Variants in KCNK7 observed in about 807,000 individuals in gnomAD.
The protein encoded by KCNK7 is potassium channel subfamily K member 7.
A neutral mutation model predicts 18.1 loss-of-function variants in KCNK7; 14 were observed. The ratio of observed to expected loss-of-function variants is 0.77; its 90% CI spans 0.51 to 1.21. The LOEUF (loss-of-function observed/expected upper bound fraction) is 1.21. Ranked by LOEUF, KCNK7 falls within the 50% of genes most tolerant of loss-of-function variation. KCNK7 has a pLI of 0.00. For missense variants in KCNK7, 385 were observed against 387.3 expected (o/e 0.99, Z 0.05); for synonymous variants, 188 against 184.7 (o/e 1.02, Z -0.15).
intron 1 of KCNK7, among the ~76,000 whole-genome samples, chr11:65,594,418 C>T (rs1173646014): frequency 2.0e-5 from 3 of 152,182 alleles, no homozygotes; most frequent in South Asian, 4.1e-4. Flanking sequence ...ACATGCCTAC[C>T]GGAGCCAGAT....
intron 1 of KCNK7, among the ~76,000 whole-genome samples, chr11:65,594,824 C>T (rs1009233697): frequency 6.6e-6 from 1 of 151,606 alleles, no homozygotes; most frequent in African/African-American, 2.4e-5. Context: ...GAGCCAAGAT[C>T]GCACCACCGC....
rs1268948508 is a variant in KCNK7 at position 65,593,444 on chromosome 11, T to TC, written c.718+31dup. 1.9e-6 allele frequency: 3 copies of TC among 1,613,282 alleles called. No individual in the cohort carries two copies. The African/African-American group carries it at 4.0e-5, about 22-fold the overall frequency. Reference sequence around the variant, plus strand: ...CCTAGTCCAGGCTCCTCTTCCCCCTTCCCCCACACGCTGTTAGGTGGCTGG... The same window carrying TC: ...CCTAGTCCAGGCTCCTCTTCCCCCTTCCCCCCACACGCTGTTAGGTGGCTGG... On this transcript the variant is annotated intron_variant, in intron 2 of 2. Transcript: ENST00000340313.
Position 65,595,552 on chromosome 11 carries a change from T to G in KCNK7, c.221A>C (p.Gln74Pro), listed in dbSNP as rs1215795878. 1 of 1,584,816 alleles carries G rather than the reference T, an allele frequency of 6.3e-7. No individual in the cohort carries two copies. The highest frequency in any genetic ancestry group is 2.3e-5 in the East Asian group (1 of 44,142). ...GCCCAGGGTGGAGACCCCATGGGCC[T>G]GGGTGGCCAGGGCAGTGCCCAGCAG... Reference protein sequence around the residue: ...EELLGTALATQAHGVSTLGNS... With the variant: ...EELLGTALATPAHGVSTLGNS... Residue 74 changes from glutamine (Q) to proline (P), a missense_variant, in exon 1 of 3, where the codon CAG becomes CCG. Physicochemically the swap from Gln to Pro is moderately conservative, Grantham distance 76. Transcript: ENST00000340313.
In KCNK7 at chr11:65,593,036, G is replaced by C. The variant is rs765842680; in HGVS notation, c.893C>G (p.Ala298Gly). 2.5e-6 allele frequency: 4 copies of C among 1,613,458 alleles called. 1 individual carries two copies. In the South Asian group the frequency reaches 4.4e-5, roughly 18 times the overall value. ...AGCAGGGGCTTGTCCTGAAGCTGGG[G>C]CCGCGGGCGGCAGGGTGCTCAGAGC... ...ELALSTLPPAAPASGQAPAC is the reference protein window; with the variant it reads ...ELALSTLPPAGPASGQAPAC Residue 298 changes from alanine (A) to glycine (G), a missense_variant, in exon 3 of 3, where the codon GCC becomes GGC. Transcript: ENST00000340313.
rs1460922135 is a variant in KCNK7, at chr11:65,593,480, A to G, written c.714T>C (p.Leu238=). 6.2e-7 allele frequency: 1 copy of G among 1,613,630 alleles called. No homozygotes were observed. Among genetic ancestry groups the G allele is most frequent in the African/African-American group, 1.3e-5 (1 of 74,938 alleles). ...CTGTTAGGTGGCTGGACTTACCAAG[A>G]AGTGCGAGCTGGCCCAGGTGGTAAA... ...PVIYHLGQLA[L]LGYLLLGLLA... is the part of the protein sequence containing the mutation. The change falls in exon 2 of 3, where the codon CTT becomes CTC. Residue 238 remains leucine (L), a synonymous_variant. Transcript: ENST00000340313.
intron 1 of KCNK7, 151 bp from the exon 2 acceptor site, chr11:65,594,025 C>T (rs1854294886): frequency 8.0e-6 from 6 of 745,492 alleles, no homozygotes; most frequent in South Asian, 4.3e-5. Context: ...TGCTCCTCTT[C>T]GTCAGGGGAT....
At position 65,593,217 on chromosome 11, in the gene KCNK7, A is replaced by G; in HGVS notation, c.719-7T>C. On this transcript the variant is annotated splice_region_variant and splice_polypyrimidine_tract_variant and intron_variant, in intron 2 of 2. Coordinates refer to ENST00000340313, the MANE Select transcript of KCNK7 (RefSeq NM_033347.2). ...AGTCCTAGAAGCAAGTAACCTGGGG[A>G]GGAGAAGGTGCTGGGGCAGCGCCTG... The G allele has an allele frequency of 6.2e-7, 1 of 1,613,034 alleles. No individual in the cohort carries two copies. Among genetic ancestry groups the G allele is most frequent in the Non-Finnish European group, 8.5e-7 (1 of 1,179,512 alleles).
At position 65,593,512 on chromosome 11, in the gene KCNK7, G is replaced by T. The variant is rs1858476305; in HGVS notation, c.682C>A (p.Pro228Thr). 6.2e-7 allele frequency: 1 copy of T among 1,613,160 alleles called. No individual in the cohort carries two copies. Among genetic ancestry groups the T allele is most frequent in the Non-Finnish European group, 8.5e-7 (1 of 1,179,944 alleles). Residue 228 changes from proline to threonine, a missense_variant, in exon 2 of 3, where the codon CCC becomes ACC. Coordinates refer to ENST00000340313, the MANE Select transcript of KCNK7 (RefSeq NM_033347.2). ...AGCTGGCCCAGGTGGTAAATCACGG[G>T]GTGCAGGCTGCGGCCGCGGCCGGGC... The part of the protein sequence containing the change: ...LLPGRGRSLH[P>T]VIYHLGQLAL...
In KCNK7 at chr11:65,593,482, G is replaced by A. The variant is rs1298173973; in HGVS notation, c.712C>T (p.Leu238Phe). ...GTTAGGTGGCTGGACTTACCAAGAA[G>A]TGCGAGCTGGCCCAGGTGGTAAATC... ...PVIYHLGQLA[L>F]LGYLLLGLLA... The change falls in exon 2 of 3, where the codon CTT becomes TTT. Residue 238 changes from leucine (L) to phenylalanine (F), a missense_variant. Physicochemically the swap from Leu to Phe is conservative, Grantham distance 22 (BLOSUM62 0). Coordinates refer to ENST00000340313, the MANE Select transcript of KCNK7 (RefSeq NM_033347.2). The A allele has an allele frequency of 2.5e-6, 4 of 1,613,644 alleles. No homozygotes were observed. In the Admixed American group the frequency reaches 6.7e-5, roughly 27 times the overall value.
At position 65,593,530 on chromosome 11, in the gene KCNK7, G is replaced by C; in HGVS notation, c.664C>G (p.Arg222Gly). Residue 222 changes from arginine (R) to glycine (G), a missense_variant, in exon 2 of 3, where the codon CGC becomes GGC. Transcript: ENST00000340313. The part of the protein sequence containing the change: ...TIGLEDLLPG[R>G]GRSLHPVIYH... The stretch of plus-strand genomic sequence containing the variant: ...ATCACGGGGTGCAGGCTGCGGCCGC[G>C]GCCGGGCAGCAAGTCCTCCAGGCCA... 6.2e-7 allele frequency: 1 copy of C among 1,612,192 alleles called. No individual in the cohort carries two copies. The highest frequency in any genetic ancestry group is 1.1e-5 in the South Asian group (1 of 91,086).
chr11:65,593,497 G>C lies in KCNK7; in HGVS notation c.697C>G (p.Leu233Val). 6.2e-7 allele frequency: 1 copy of C among 1,613,728 alleles called. No individual in the cohort carries two copies. Among genetic ancestry groups the C allele is most frequent in the South Asian group, 1.1e-5 (1 of 91,088 alleles). ...TTACCAAGAAGTGCGAGCTGGCCCA[G>C]GTGGTAAATCACGGGGTGCAGGCTG... ...GRSLHPVIYH[L>V]GQLALLGYLL... Residue 233 changes from leucine to valine, a missense_variant, in exon 2 of 3, where the codon CTG (leucine) becomes GTG (valine). Leu to Val is a conservative substitution (Grantham distance 32, BLOSUM62 1). Transcript: ENST00000340313.
chr11:65,595,328 C>T (rs1457370692), intron 1 of KCNK7, 126 bp downstream of exon 1: 1 of 832,192 alleles, frequency 1.2e-6, no homozygotes, highest in Admixed American at 3.7e-5. Context: ...GATGTCAGGC[C>T]TCACAGGGCC....
At position 65,595,470 on chromosome 11, in the gene KCNK7, G is replaced by T. The variant is rs752289112; in HGVS notation, c.303C>A (p.Ser101Arg). 8.9e-6 allele frequency: 13 copies of T among 1,456,282 alleles called. No homozygotes were observed. Among genetic ancestry groups the T allele is most frequent in the African/African-American group, 1.4e-5 (1 of 70,982 alleles). The allele number at this position is 1,456,282 out of a possible 1,614,324, so 90.2% of individuals were successfully genotyped here. ...DLPSALLFAA[S>R]ILTTTGYGHM... ...CTCTCTTACCTGTGGTGGTGAGGATGCTGGCAGCGAAGAGCAGGGCTGAGG... is the reference window on the plus strand; with the variant it reads ...CTCTCTTACCTGTGGTGGTGAGGATTCTGGCAGCGAAGAGCAGGGCTGAGG... The change falls in exon 1 of 3, where the codon AGC (serine) becomes AGA (arginine). Residue 101 changes from serine (S) to arginine (R), a missense_variant. Coordinates refer to ENST00000340313, the MANE Select transcript of KCNK7 (RefSeq NM_033347.2).
chr11:65,594,364 G>A (rs913741801), intron 1 of KCNK7, among the ~76,000 whole-genome samples: 1 of 152,228 alleles, frequency 6.6e-6, no homozygotes, highest in Non-Finnish European at 1.5e-5. Flanking sequence ...GGAGTGCGGG[G>A]TGTGCTGGGA....
At position 65,593,778 on chromosome 11, in the gene KCNK7, G is replaced by T. The variant is rs760829927; in HGVS notation, c.416C>A (p.Thr139Asn). 1.9e-6 allele frequency: 3 copies of T among 1,610,074 alleles called. No individual in the cohort carries two copies. The African/African-American group carries it at 4.0e-5, about 21-fold the overall frequency. Reference protein sequence around the residue: ...GLPASLALVATLRHCLLPVLS... With the variant: ...GLPASLALVANLRHCLLPVLS... The stretch of plus-strand genomic sequence containing the variant: ...CACAGGCAGCAGGCAATGGCGCAGG[G>T]TGGCCACGAGAGCTAAGGAGGCTGG... Residue 139 changes from threonine (T) to asparagine (N), a missense_variant, in exon 2 of 3, where the codon ACC becomes AAC. Transcript: ENST00000340313.
Position 65,593,489 on chromosome 11 carries a change from C to T in KCNK7, c.705G>A (p.Gln235=). ...GGCTGGACTTACCAAGAAGTGCGAGCTGGCCCAGGTGGTAAATCACGGGGT... is the reference window on the plus strand; with the variant it reads ...GGCTGGACTTACCAAGAAGTGCGAGTTGGCCCAGGTGGTAAATCACGGGGT... The part of the protein sequence containing the change: ...SLHPVIYHLG[Q]LALLGYLLLG... Residue 235 remains glutamine (Q), a synonymous_variant, in exon 2 of 3, where the codon CAG becomes CAA. Coordinates refer to ENST00000340313, the MANE Select transcript of KCNK7 (RefSeq NM_033347.2). 1 of 1,613,710 alleles carries T rather than the reference C, an allele frequency of 6.2e-7. No homozygotes were observed. The highest frequency in any genetic ancestry group is 1.7e-5 in the Admixed American group (1 of 60,018).
chr11:65,593,721 T>C lies in KCNK7; in HGVS notation c.473A>G (p.His158Arg), dbSNP rs1223729494. ...LSRPRAWVAV[H>R]WQLSPARAAL... ...AGCCCTGGCCGGTGACAGCTGCCAG[T>C]GGACCGCTACCCAGGCACGTGGGCG... Residue 158 changes from histidine to arginine, a missense_variant, in exon 2 of 3, where the codon CAC (histidine) becomes CGC (arginine). Coordinates refer to ENST00000340313, the MANE Select transcript of KCNK7 (RefSeq NM_033347.2). The C allele has an allele frequency of 1.9e-6, 3 of 1,610,002 alleles. No homozygotes were observed. Among genetic ancestry groups the C allele is most frequent in the Non-Finnish European group, 2.5e-6 (3 of 1,179,442 alleles).
In KCNK7 at chr11:65,592,897, C is replaced by T. The variant is rs1858425116; in HGVS notation, c.*108G>A. On this transcript the variant is annotated 3_prime_UTR_variant, in exon 3 of 3. Transcript: ENST00000340313. Reference sequence around the variant, plus strand: ...ATTAACAGTATCCTCTGAGGCCTCCCGCCCACCCTCACCGCGGCTCCATCT... The same window carrying T: ...ATTAACAGTATCCTCTGAGGCCTCCTGCCCACCCTCACCGCGGCTCCATCT... 11 of 1,358,172 alleles carry T rather than the reference C, an allele frequency of 8.1e-6. No individual in the cohort carries two copies. Among genetic ancestry groups the T allele is most frequent in the Non-Finnish European group, 9.9e-6 (10 of 1,011,266 alleles). 84.1% of individuals were successfully genotyped at this position (1,358,172 alleles called of 1,614,324 possible). A position where few individuals can be genotyped will look rare whatever the true frequency, so the allele number is the denominator to read the frequency against.
In KCNK7 at chr11:65,593,043, G is replaced by A. The variant is rs1275722612; in HGVS notation, c.886C>T (p.Pro296Ser). 6.2e-7 allele frequency: 1 copy of A among 1,613,254 alleles called. No individual in the cohort carries two copies. The highest frequency in any genetic ancestry group is 8.5e-7 in the Non-Finnish European group (1 of 1,179,916). ...QDELALSTLP[P>S]AAPASGQAPA... ...GCTTGTCCTGAAGCTGGGGCCGCGG[G>A]CGGCAGGGTGCTCAGAGCCAGTTCA... The change falls in exon 3 of 3, where the codon CCC (proline) becomes TCC (serine). Residue 296 changes from proline (P) to serine (S), a missense_variant. Pro to Ser is a moderately conservative substitution (Grantham distance 74). Coordinates refer to ENST00000340313, the MANE Select transcript of KCNK7 (RefSeq NM_033347.2).
Sources: allele counts gnomAD v4.1 joint callset (sites outside exome capture counted in the v4.1 genomes callset), GRCh38; gene constraint gnomAD v4.1.1; transcripts MANE v1.5; gene names NCBI Gene and HGNC (gene_info 2026-07-23, HGNC 2026-07-21).